LMCD1: variants seen among roughly 807,000 people sequenced by gnomAD.
LMCD1 encodes LIM and cysteine rich domains 1.
A neutral mutation model predicts 42.7 loss-of-function variants in LMCD1; 32 were observed. The ratio of observed to expected loss-of-function variants is 0.75; its 90% CI spans 0.57 to 1.01. The LOEUF (loss-of-function observed/expected upper bound fraction) is 1.01. LMCD1 is among the 50% of genes least tolerant of loss of function. LMCD1 has a pLI of 0.00. For synonymous variants in LMCD1, 178 were observed against 184.9 expected (o/e 0.96, Z 0.30); for missense variants, 458 against 483.1 (o/e 0.95, Z 0.49).
In LMCD1 at chr3:8,501,886, C is replaced by G; in HGVS notation, c.-53C>G. The G allele has an allele frequency of 6.5e-7, 1 of 1,542,984 alleles. No individual in the cohort carries two copies. Among genetic ancestry groups the G allele is most frequent in the Non-Finnish European group, 8.8e-7 (1 of 1,137,576 alleles). ...CAGCCGCCGCTGTCCCCGCTGCGCG[C>G]CCTCGCGCCTCTGCCTGAGAAGCCA... On this transcript the variant is annotated 5_prime_UTR_variant, in exon 1 of 6. Coordinates refer to ENST00000157600, the MANE Select transcript of LMCD1 (RefSeq NM_014583.4).
chr3:8,502,018 CT>C (rs778950247), intron 1 of LMCD1, 38 bp downstream of exon 1: 1 of 1,427,038 alleles, frequency 7.0e-7, no homozygotes, highest in Non-Finnish European at 9.1e-7. Flanking sequence ...CAGATTCTTA[CT>C]TTTTCTTGTT....
chr3:8,543,472 CAGAT>C (rs1469912238), intron 3 of LMCD1, among the ~76,000 whole-genome samples: 73 of 151,448 alleles, frequency 4.8e-4, no homozygotes, highest in African/African-American at 1.5e-3. Context: ...GACAGACAGA[CAGAT>C]AGACAGACAG....
chr3:8,555,462 C>A (rs1694917673), intron 4 of LMCD1, among the ~76,000 whole-genome samples: 1 of 152,146 alleles, frequency 6.6e-6, no homozygotes, highest in South Asian at 2.1e-4. Flanking sequence ...TGGGGTCATT[C>A]ACCCAGAGGA....
At chr3:8,530,067 G>A (rs745786982) in intron 1 of LMCD1, among the ~76,000 whole-genome samples, 5 of 152,178 alleles carry the variant, frequency 3.3e-5, no homozygotes, top group Non-Finnish European at 7.3e-5. Context: ...CTCCAAACCC[G>A]AAACAGTTGC....
chr3:8,508,073 C>A (rs959274184), intron 1 of LMCD1, among the ~76,000 whole-genome samples: 1 of 152,190 alleles, frequency 6.6e-6, no homozygotes. Context: ...TAAAGACTTT[C>A]TTGATTTCTC....
rs1421001483 is a variant in LMCD1 at position 8,569,888 on chromosome 3, G to A, written c.*2290G>A. ...CACACCTGTAGTATCAGTTACTCTA[G>A]AGGATAACCTGAGCCCAGTAAGTCA... On this transcript the variant is annotated 3_prime_UTR_variant, in exon 6 of 6. Transcript: ENST00000157600. The A allele has an allele frequency of 6.6e-6, 1 of 152,302 alleles. No individual in the cohort carries two copies. The highest frequency in any genetic ancestry group is 1.9e-4 in the East Asian group (1 of 5,184). The allele number at this position is 152,302 out of a possible 1,614,324, so 9.4% of individuals were successfully genotyped here.
At chr3:8,553,727 A>G (rs538835438) in intron 4 of LMCD1, among the ~76,000 whole-genome samples, 2 of 152,286 alleles carry the variant, frequency 1.3e-5, no homozygotes, top group South Asian at 4.1e-4. Context: ...TGTTATTATT[A>G]CACTGAGGTT....
chr3:8,508,083 C>A lies in LMCD1; in HGVS notation c.42+6103C>A, dbSNP rs576059976. On this transcript the variant is annotated intron_variant, in intron 1 of 5. Coordinates refer to ENST00000157600, the MANE Select transcript of LMCD1 (RefSeq NM_014583.4). ...TAGAATAAAGACTTTCTTGATTTCT[C>A]CTGGTTTTCCAGAAGGCTAATGGAC... 3.0e-4 allele frequency among the ~76,000 whole-genome samples: 46 copies of A among 152,284 alleles called. No individual in the cohort carries two copies. In the South Asian group the frequency reaches 9.3e-3, roughly 31 times the overall value.
rs763656269 is a variant in LMCD1 at position 8,565,647 on chromosome 3, G to A, written c.939G>A (p.Glu313=). The change falls in exon 5 of 6, where the codon GAG becomes GAA. Residue 313 remains glutamate, a splice_region_variant and synonymous_variant. Coordinates refer to ENST00000157600, the MANE Select transcript of LMCD1 (RefSeq NM_014583.4). ...SLRPRCSGCD[E]IIFAEDYQRV... The stretch of plus-strand genomic sequence containing the variant: ...GGCCCCGGTGCTCCGGCTGCGATGA[G>A]GTGGGAGATAGCCGCGAGATGGGTT... 6.3e-7 allele frequency: 1 copy of A among 1,592,396 alleles called. No individual in the cohort carries two copies. Among genetic ancestry groups the A allele is most frequent in the Non-Finnish European group, 8.5e-7 (1 of 1,169,746 alleles).
At position 8,537,198 on chromosome 3, in the gene LMCD1, T is replaced by A. The variant is rs778655961; in HGVS notation, c.145T>A (p.Ser49Thr). 3 of 1,614,000 alleles carry A rather than the reference T, an allele frequency of 1.9e-6. No individual in the cohort carries two copies. In the South Asian group the frequency reaches 3.3e-5, roughly 18 times the overall value. The stretch of plus-strand genomic sequence containing the variant: ...ACCCACCCCCAGGAAAATATGCAAG[T>A]CTTGCAAATGCAGCCAAGAGGACCA... ...EPHSWRKICKSCKCSQEDHCL... is the reference protein window; with the variant it reads ...EPHSWRKICKTCKCSQEDHCL... The change falls in exon 3 of 6, where the codon TCT (serine) becomes ACT (threonine). Residue 49 changes from serine to threonine, a missense_variant. Ser to Thr is a moderately conservative substitution (Grantham distance 58, BLOSUM62 1). Transcript: ENST00000157600.
chr3:8,541,855 G>T (rs1452353230), intron 3 of LMCD1, among the ~76,000 whole-genome samples: 2 of 152,136 alleles, frequency 1.3e-5, no homozygotes, highest in Non-Finnish European at 2.9e-5. Context: ...TGTTAAGAGG[G>T]ATTCTGAGGG....
intron 1 of LMCD1, among the ~76,000 whole-genome samples, chr3:8,518,859 C>T (rs937168084): frequency 3.3e-5 from 5 of 152,050 alleles, no homozygotes; most frequent in African/African-American, 1.2e-4. Context: ...AGGCTAGGAT[C>T]CTGGAAACCA....
chr3:8,526,910 G>C (rs1694312807), intron 1 of LMCD1, among the ~76,000 whole-genome samples: 1 of 152,206 alleles, frequency 6.6e-6, no homozygotes, highest in African/African-American at 2.4e-5. Flanking sequence ...CTGAGGTTTA[G>C]ATGAGCATAA....
intron 5 of LMCD1, 72 bp from the exon 6 acceptor site, chr3:8,567,368 C>A: frequency 6.7e-7 from 1 of 1,503,036 alleles, no homozygotes; most frequent in Non-Finnish European, 9.1e-7. Context: ...CACCCTATAA[C>A]TTGTCCTAGA....
intron 4 of LMCD1, among the ~76,000 whole-genome samples, chr3:8,557,118 G>A (rs754531015): frequency 5.3e-5 from 8 of 152,134 alleles, no homozygotes; most frequent in Admixed American, 6.5e-5. Flanking sequence ...GACCCAAACC[G>A]TTGCCTACCC....
intron 1 of LMCD1, among the ~76,000 whole-genome samples, chr3:8,523,499 T>C (rs1694241278): frequency 6.6e-6 from 1 of 152,220 alleles, no homozygotes; most frequent in African/African-American, 2.4e-5. Context: ...ATTTTTTTGG[T>C]TGATTTCTGC....
At chr3:8,505,037 A>G (rs1402135081) in intron 1 of LMCD1, among the ~76,000 whole-genome samples, 1 of 152,204 alleles carries the variant, frequency 6.6e-6, no homozygotes, top group Non-Finnish European at 1.5e-5. Context: ...ACCTCCCAAG[A>G]TGGCTGTGAT....
chr3:8,513,780 G>C (rs1694046436), intron 1 of LMCD1, among the ~76,000 whole-genome samples: 1 of 152,182 alleles, frequency 6.6e-6, no homozygotes, highest in South Asian at 2.1e-4. Context: ...TTGCATGCTT[G>C]TGTCTTTTCC....
chr3:8,516,631 A>G (rs1188939325), intron 1 of LMCD1, among the ~76,000 whole-genome samples: 2 of 152,216 alleles, frequency 1.3e-5, no homozygotes, highest in Non-Finnish European at 2.9e-5. Flanking sequence ...TCAGTGCTTT[A>G]TAATTTTAGC....
Sources: gnomAD v4.1 joint callset for allele counts (sites outside exome capture counted in the v4.1 genomes callset) on GRCh38, gnomAD v4.1.1 for gene constraint, MANE v1.5 for transcripts, NCBI Gene and HGNC (gene_info 2026-07-23, HGNC 2026-07-21) for gene names.